STAT6: variants seen among roughly 807,000 people sequenced by gnomAD.
STAT6 encodes STAT, interleukin4-induced.
STAT6 carries 45 observed loss-of-function variants against 106.3 expected under a neutral mutation model. The observed-to-expected ratio is 0.42, with a 90% confidence interval of 0.33 to 0.54. The LOEUF (loss-of-function observed/expected upper bound fraction) is 0.54. STAT6 is among the 20% of genes least tolerant of loss of function. The pLI, the probability that STAT6 is intolerant of heterozygous loss-of-function variation, is 0.06. For synonymous variants in STAT6, 413 were observed against 413.6 expected, an observed-to-expected ratio of 1.00 and a Z score of 0.02; for missense variants, 797 against 1,062.2, an observed-to-expected ratio of 0.75 and a Z score of 3.47.
Position 57,096,738 on chromosome 12 carries a change from G to A in STAT6, c.2378C>T (p.Pro793Leu), listed in dbSNP as rs1221071941. 1 of 1,613,142 alleles carries A rather than the reference G, an allele frequency of 6.2e-7. No individual in the cohort carries two copies. The highest frequency in any genetic ancestry group is 1.7e-5 in the Admixed American group (1 of 59,730). Reference sequence around the variant, plus strand: ...GTCCTGTTCAGTGGGAGGCAGCAGAGGAGGGAATATGTCTTCACCAATCCT... The same window carrying A: ...GTCCTGTTCAGTGGGAGGCAGCAGAAGAGGGAATATGTCTTCACCAATCCT... ...GTWIGEDIFPPLLPPTEQDLT... is the reference protein window; with the variant it reads ...GTWIGEDIFPLLLPPTEQDLT... Residue 793 changes from proline to leucine, a missense_variant, in exon 22 of 22, where the codon CCT becomes CTT. Around this residue, in one of 4 missense-constraint regions of STAT6, gnomAD observed 226 missense variants for 236.7 expected, o/e 0.95. Transcript: ENST00000300134.
Position 57,099,293 on chromosome 12 carries a change from C to T in STAT6, c.1891+1G>A, listed in dbSNP as rs777042156. 3.1e-6 allele frequency: 5 copies of T among 1,614,108 alleles called. No homozygotes were observed. Among genetic ancestry groups the T allele is most frequent in the South Asian group, 1.1e-5 (1 of 91,084 alleles). ...AATCAGAGCTGCCAGTTCCAGCTCA[C>T]GCTTGTAGTGGCTCCGGAAAGCCTC... On this transcript the variant is annotated splice_donor_variant, in intron 16 of 21. Coordinates refer to ENST00000300134, the MANE Select transcript of STAT6 (RefSeq NM_003153.5). LOFTEE classifies it high-confidence loss of function. The surrounding 1 kb of genome is among the most constrained non-coding windows in gnomAD (Gnocchi z 4.7).
chr12:57,102,645 C>T, intron 12 of STAT6, 149 bp from the exon 13 acceptor site: 7 of 1,006,744 alleles, frequency 7.0e-6, no homozygotes, highest in Non-Finnish European at 1.0e-5. Flanking sequence ...GGTTACAGTG[C>T]TGTGGCCTGA....
chr12:57,100,777 CATAAT>C (rs2033877151), intron 13 of STAT6: 2 of 363,924 alleles, frequency 5.5e-6, no homozygotes, highest in African/African-American at 2.2e-5. Flanking sequence ...CATAAAATAA[CATAAT>C]ATAACATAAA....
At chr12:57,102,013 TTA>T (rs1215150753) in intron 13 of STAT6, among the ~76,000 whole-genome samples, 5 of 152,082 alleles carry the variant, frequency 3.3e-5, no homozygotes, top group Non-Finnish European at 7.4e-5. Context: ...AGAGCTCTGT[TTA>T]CACACAACCT....
chr12:57,100,151 G>T (rs2033729996), intron 13 of STAT6, 61 bp from the exon 14 acceptor site: 4 of 1,450,094 alleles, frequency 2.8e-6, no homozygotes, highest in Admixed American at 3.9e-5. Context: ...CCTGTTTAGG[G>T]CAGGCAGTGA....
chr12:57,096,616 T>G lies in STAT6; in HGVS notation c.2500A>C (p.Ile834Leu). 6.2e-7 allele frequency: 1 copy of G among 1,608,010 alleles called. No homozygotes were observed. The highest frequency in any genetic ancestry group is 8.5e-7 in the Non-Finnish European group (1 of 1,177,966). Reference sequence around the variant, plus strand: ...CTTAGGTCCATGTGGGACATTGAGATCCCAGATTGCCCATAGTGGGAGGGC... The same window carrying G: ...CTTAGGTCCATGTGGGACATTGAGAGCCCAGATTGCCCATAGTGGGAGGGC... ...LQPSHYGQSG[I>L]SMSHMDLRAN... is the part of the protein sequence containing the mutation. The change falls in exon 22 of 22, where the codon ATC becomes CTC. Residue 834 changes from isoleucine to leucine, a missense_variant. Ile to Leu is a conservative substitution (Grantham distance 5, BLOSUM62 2). Transcript: ENST00000300134.
chr12:57,105,839 A>T, intron 7 of STAT6: 1 of 716,260 alleles, frequency 1.4e-6, no homozygotes, highest in Non-Finnish European at 2.2e-6. Flanking sequence ...CTCTCCCCCG[A>T]CGGCTCTTGC....
At position 57,105,049 on chromosome 12, in the gene STAT6, G is replaced by T. The variant is rs563540502; in HGVS notation, c.1001+102C>A. 8 of 1,403,974 alleles carry T rather than the reference G, an allele frequency of 5.7e-6. No individual in the cohort carries two copies. The African/African-American group carries it at 7.1e-5, about 13-fold the overall frequency. 87.0% of individuals were successfully genotyped at this position (1,403,974 alleles called of 1,614,324 possible). A position where few individuals can be genotyped will look rare whatever the true frequency, so the allele number is the denominator to read the frequency against. On this transcript the variant is annotated intron_variant, in intron 9 of 21. Coordinates refer to ENST00000300134, the MANE Select transcript of STAT6 (RefSeq NM_003153.5). ...ACCATTCAGGGTCTCCACATCCCATGGCCCTCCCTCCCCATCCCTTGCTCT... is the reference window on the plus strand; with the variant it reads ...ACCATTCAGGGTCTCCACATCCCATTGCCCTCCCTCCCCATCCCTTGCTCT...
intron 18 of STAT6, 78 bp from the exon 19 acceptor site, chr12:57,098,675 CT>C (rs2033614758): frequency 1.9e-6 from 3 of 1,561,640 alleles, no homozygotes; most frequent in Non-Finnish European, 1.8e-6. Context: ...ACAGGTGTCC[CT>C]CTCATGGAAA....
intron 19 of STAT6, 30 bp from the exon 20 acceptor site, chr12:57,097,163 A>G (rs1446672786): frequency 2.0e-6 from 3 of 1,493,972 alleles, no homozygotes; most frequent in Non-Finnish European, 2.7e-6. Context: ...AGTTAGAGGA[A>G]GGCAGGCTAG....
rs1467765397 is a variant in STAT6 at position 57,105,316 on chromosome 12, G to T, written c.836C>A (p.Pro279His). The T allele has an allele frequency of 8.1e-6, 13 of 1,613,946 alleles. No individual in the cohort carries two copies. Among genetic ancestry groups the T allele is most frequent in the Non-Finnish European group, 1.0e-5 (12 of 1,179,970 alleles). Residue 279 changes from proline (P) to histidine (H), a missense_variant, in exon 9 of 22, where the codon CCC becomes CAC. This residue lies in a region of STAT6 where 336 missense variants were observed against 429.8 expected (regional missense o/e 0.78). Coordinates refer to ENST00000300134, the MANE Select transcript of STAT6 (RefSeq NM_003153.5). ...VTSCFLVEKQPPQVLKTQTKF... is the reference protein window; with the variant it reads ...VTSCFLVEKQHPQVLKTQTKF... ...GGTCTGAGTCTTCAGTACCTGGGGG[G>T]GCTGCTTCTCCACCAGGAAGCAACT... is the stretch of plus-strand genomic sequence containing the variant.
At chr12:57,106,078 G>T (rs535195777) in intron 7 of STAT6, 113 bp downstream of exon 7, 7 of 1,525,884 alleles carry the variant, frequency 4.6e-6, no homozygotes, top group African/African-American at 1.4e-5. Flanking sequence ...TATGCATCTT[G>T]GTCCACTCCA....
intron 18 of STAT6, 83 bp from the exon 19 acceptor site, chr12:57,098,680 A>G (rs1483879869): frequency 6.4e-7 from 1 of 1,562,256 alleles, no homozygotes; most frequent in East Asian, 2.2e-5. Flanking sequence ...TGTCCCTCTC[A>G]TGGAAAGGAA....
rs1476701983 is a variant in STAT6, at chr12:57,105,398, C to T, written c.813-59G>A. On this transcript the variant is annotated intron_variant, in intron 8 of 21. Coordinates refer to ENST00000300134, the MANE Select transcript of STAT6 (RefSeq NM_003153.5). ...GCTAGGTCCCTGCTGGTGCCCTCCC[C>T]ACAGCTCTAGCCCCCTTCTTTTCTT... is the stretch of plus-strand genomic sequence containing the variant. 5 of 1,608,456 alleles carry T rather than the reference C, an allele frequency of 3.1e-6. No individual in the cohort carries two copies. In the Admixed American group the frequency reaches 6.7e-5, roughly 22 times the overall value.
In STAT6 at chr12:57,097,062, A is replaced by G; in HGVS notation, c.2225+6T>C. On this transcript the variant is annotated splice_donor_region_variant and intron_variant, in intron 20 of 21. Transcript: ENST00000300134. ...ACATGGGGTCAGGAGGGGCTTTGTC[A>G]CTCACTGGGGGTGAGGCTGGTCAAA... The G allele has an allele frequency of 1.3e-6, 2 of 1,561,932 alleles. 1 individual carries two copies. The highest frequency in any genetic ancestry group is 2.4e-5 in the South Asian group (2 of 83,644).
At chr12:57,098,634 TCTC>T (rs775896121) in intron 18 of STAT6, 37 bp from the exon 19 acceptor site, 8 of 1,601,380 alleles carry the variant, frequency 5.0e-6, no homozygotes, top group African/African-American at 2.7e-5. Flanking sequence ...TGCCAGCCCT[TCTC>T]CTGGACACCA....
Position 57,102,859 on chromosome 12 carries a change from A to C in STAT6, c.1275T>G (p.Thr425=). ...CAGAGAAGGCATTGTCCCACAGGAT[A>C]GTGGCTTTGGCATTGTTGTCTTGGT... ...HGNQDNNAKA[T]ILWDNAFSEM... Residue 425 remains threonine (T), a synonymous_variant, in exon 12 of 22, where the codon ACT becomes ACG. Transcript: ENST00000300134. 1 of 1,604,938 alleles carries C rather than the reference A, an allele frequency of 6.2e-7. No individual in the cohort carries two copies. The highest frequency in any genetic ancestry group is 8.5e-7 in the Non-Finnish European group (1 of 1,175,030).
chr12:57,100,676 G>T (rs1344094332), intron 13 of STAT6, among the ~76,000 whole-genome samples: 1 of 47,488 alleles, frequency 2.1e-5, no homozygotes, highest in Non-Finnish European at 4.4e-5. Flanking sequence ...AAGAAAGAAA[G>T]AAAGAAAGAA....
intron 11 of STAT6, 42 bp from the exon 12 acceptor site, chr12:57,102,963 TC>T (rs768289102): frequency 2.1e-6 from 1 of 476,382 alleles, no homozygotes; most frequent in Non-Finnish European, 3.4e-6. Flanking sequence ...TTTCTTTCTT[TC>T]CTTTTTTTTT....
Sources: allele counts gnomAD v4.1 joint callset (sites outside exome capture counted in the v4.1 genomes callset), GRCh38; gene constraint gnomAD v4.1.1; regional missense constraint gnomAD v4.1.1; non-coding constraint Gnocchi (gnomAD v3.1); transcripts MANE v1.5; gene names NCBI Gene and HGNC (gene_info 2026-07-23, HGNC 2026-07-21).